The following HSPA12B variants were observed in gnomAD, a reference collection of about 807,000 sequenced individuals.
The protein encoded by HSPA12B is heat shock protein family A (Hsp70) member 12B.
A neutral mutation model predicts 69.3 loss-of-function variants in HSPA12B; 54 were observed. The ratio of observed to expected loss-of-function variants is 0.78; its 90% CI spans 0.63 to 0.98. The LOEUF is 0.98. Ranked by LOEUF, HSPA12B falls within the 50% of genes least tolerant of loss-of-function variation. The pLI is 0.00. For synonymous variants in HSPA12B, 441 were observed against 436.5 expected, an observed-to-expected ratio of 1.01 and a Z score of -0.13; for missense variants, 929 against 999.8, an observed-to-expected ratio of 0.93 and a Z score of 0.96.
rs1276849701 is a variant in HSPA12B at position 3,745,319 on chromosome 20, G to A, written c.454-174G>A. Among the ~76,000 whole-genome samples, 12 of 151,918 alleles carry A rather than the reference G, an allele frequency of 7.9e-5. No individual in the cohort carries two copies. On this transcript the variant is annotated intron_variant, in intron 5 of 12. Coordinates refer to ENST00000254963, the MANE Select transcript of HSPA12B (RefSeq NM_052970.5). The surrounding 1 kb of genome is among the most constrained non-coding windows in gnomAD (Gnocchi z 5.6). ...TAATAGTGAAGCTGGGGTTGCAGGA[G>A]GGGTGGGGCTAAGGAGAGGGGTCGG...
Position 3,745,521 on chromosome 20 carries a change from C to T in HSPA12B, c.482C>T (p.Ala161Val). 1 of 1,614,142 alleles carries T rather than the reference C, an allele frequency of 6.2e-7. No homozygotes were observed. The highest frequency in any genetic ancestry group is 1.1e-5 in the South Asian group (1 of 91,076). The change falls in exon 6 of 13, where the codon GCA becomes GTA. Residue 161 changes from alanine to valine, a missense_variant. Transcript: ENST00000254963. The surrounding 1 kb of genome is among the most constrained non-coding windows in gnomAD (Gnocchi z 5.6). ...TDLTLKTQLE[A>V]VNGKTMPALE... The stretch of plus-strand genomic sequence containing the variant: ...CTCACCTTGAAGACCCAGCTAGAGG[C>T]AGTAAATGGAAAGACGATGCCCGCC...
In HSPA12B at chr20:3,750,189, G is replaced by A. The variant is rs2088388930; in HGVS notation, c.1263G>A (p.Gln421=). ...PFSFIDFYRK[Q]RGHNVETALR... is the part of the protein sequence containing the mutation. ...CCTTCATTGACTTCTACCGCAAGCA[G>A]CGGGGCCACAACGTGGAGACCGCTC... is the stretch of plus-strand genomic sequence containing the variant. Residue 421 remains glutamine (Q), a synonymous_variant, in exon 11 of 13, where the codon CAG becomes CAA. Coordinates refer to ENST00000254963, the MANE Select transcript of HSPA12B (RefSeq NM_052970.5). The A allele has an allele frequency of 1.2e-6, 2 of 1,609,120 alleles. No homozygotes were observed. Among genetic ancestry groups the A allele is most frequent in the Non-Finnish European group, 1.7e-6 (2 of 1,177,292 alleles).
chr20:3,740,976 CAA>C lies in HSPA12B; in HGVS notation c.141+66_141+67del. 7.2e-7 allele frequency: 1 copy of C among 1,384,676 alleles called. No homozygotes were observed. Among genetic ancestry groups the C allele is most frequent in the Middle Eastern group, 1.8e-4 (1 of 5,472 alleles). 85.8% of individuals were successfully genotyped at this position (1,384,676 alleles called of 1,614,324 possible). On this transcript the variant is annotated intron_variant, in intron 3 of 12. Transcript: ENST00000254963. The surrounding 1 kb of genome is among the most constrained non-coding windows in gnomAD (Gnocchi z 4.9). Reference sequence around the variant, plus strand: ...CTGGTGTGGACAGGGTCGTGCGTGGCAAAGTCATGACAGGGCCTCAGCTAGGA... The same window carrying C: ...CTGGTGTGGACAGGGTCGTGCGTGGCAGTCATGACAGGGCCTCAGCTAGGA...
Position 3,748,408 on chromosome 20 carries a change from G to T in HSPA12B, c.850+17G>T. 1 of 1,565,436 alleles carries T rather than the reference G, an allele frequency of 6.4e-7. No individual in the cohort carries two copies. The highest frequency in any genetic ancestry group is 8.6e-7 in the Non-Finnish European group (1 of 1,158,332). ...TCCGTCAGGGTGAGCTGCCCCCGGG[G>T]ACACCACCCACCCCTGGAGGGTCAG... On this transcript the variant is annotated intron_variant, in intron 8 of 12. Coordinates refer to ENST00000254963, the MANE Select transcript of HSPA12B (RefSeq NM_052970.5).
At chr20:3,743,834 T>C (rs1421251741) in intron 4 of HSPA12B, among the ~76,000 whole-genome samples, 2 of 152,044 alleles carry the variant, frequency 1.3e-5, no homozygotes, top group African/African-American at 4.8e-5. Flanking sequence ...AGGTGATTCC[T>C]AGGTCCAACA....
In HSPA12B at chr20:3,753,011, TA is replaced by T. The variant is rs2088455770; in HGVS notation, c.*848del. 6.5e-6 allele frequency: 1 copy of T among 153,326 alleles called. No individual in the cohort carries two copies. The highest frequency in any genetic ancestry group is 1.5e-5 in the Non-Finnish European group (1 of 68,044). 9.5% of individuals were successfully genotyped at this position (153,326 alleles called of 1,614,324 possible). ...TTACCGCTCATGGGCCTCAGTTTCC[TA>T]AAGTGTGAAATGTCAGGCACTTCCC... On this transcript the variant is annotated 3_prime_UTR_variant, in exon 13 of 13. Coordinates refer to ENST00000254963, the MANE Select transcript of HSPA12B (RefSeq NM_052970.5).
chr20:3,748,470 A>G (rs1344751270), intron 8 of HSPA12B, 79 bp downstream of exon 8: 2 of 1,310,898 alleles, frequency 1.5e-6, no homozygotes, highest in Admixed American at 3.2e-5. Context: ...CATGTCTAGT[A>G]TGAAGGGGAG....
Position 3,748,337 on chromosome 20 carries a change from C to T in HSPA12B, c.796C>T (p.Pro266Ser), listed in dbSNP as rs765950925. The change falls in exon 8 of 13, where the codon CCA (proline) becomes TCA (serine). Residue 266 changes from proline (P) to serine (S), a missense_variant. Transcript: ENST00000254963. Reference sequence around the variant, plus strand: ...GCTCCTGGACCTGAGTGGCCGGGCCCCAGGTGGTGGGCGCCTGGGTGAGCG... The same window carrying T: ...GCTCCTGGACCTGAGTGGCCGGGCCTCAGGTGGTGGGCGCCTGGGTGAGCG... ...HQLLDLSGRAPGGGRLGERRS... is the reference protein window; with the variant it reads ...HQLLDLSGRASGGGRLGERRS... The T allele has an allele frequency of 3.1e-6, 5 of 1,610,458 alleles. No homozygotes were observed. The highest frequency in any genetic ancestry group is 4.2e-6 in the Non-Finnish European group (5 of 1,178,472).
intron 3 of HSPA12B, 125 bp downstream of exon 3, chr20:3,741,037 T>C: frequency 1.4e-6 from 1 of 712,024 alleles, no homozygotes; most frequent in Non-Finnish European, 2.3e-6. Flanking sequence ...CCATGCCTCT[T>C]GTCCCCGTAC....
At chr20:3,738,099 T>C (rs1353923940) in intron 1 of HSPA12B, among the ~76,000 whole-genome samples, 1 of 152,174 alleles carries the variant, frequency 6.6e-6, no homozygotes, top group Non-Finnish European at 1.5e-5. Flanking sequence ...AAATCAAATC[T>C]GAAATAGGGT....
Position 3,749,773 on chromosome 20 carries a change from T to A in HSPA12B, c.961T>A (p.Cys321Ser). 6.2e-7 allele frequency: 1 copy of A among 1,603,104 alleles called. No individual in the cohort carries two copies. The highest frequency in any genetic ancestry group is 8.5e-7 in the Non-Finnish European group (1 of 1,177,154). ...QAGDRYVVAD[C>S]GGGTVDLTVH... ...AGGAGACCGCTACGTGGTGGCCGAC[T>A]GCGGCGGAGGCACCGTGGACCTGAC... Residue 321 changes from cysteine to serine, a missense_variant, in exon 10 of 13, where the codon TGC becomes AGC. Physicochemically the swap from Cys to Ser is moderately radical, Grantham distance 112. Transcript: ENST00000254963. The surrounding 1 kb of genome is among the most constrained non-coding windows in gnomAD (Gnocchi z 5.5).
chr20:3,751,731 C>G lies in HSPA12B; in HGVS notation c.1626C>G (p.Thr542=). 6.6e-7 allele frequency: 1 copy of G among 1,515,584 alleles called. No individual in the cohort carries two copies. Among genetic ancestry groups the G allele is most frequent in the Non-Finnish European group, 8.8e-7 (1 of 1,137,116 alleles). The allele number at this position is 1,515,584 out of a possible 1,614,324, so 93.9% of individuals were successfully genotyped here. A position where few individuals can be genotyped will look rare whatever the true frequency, so the allele number is the denominator to read the frequency against. The change falls in exon 13 of 13, where the codon ACC becomes ACG. Residue 542 remains threonine (T), a synonymous_variant. Coordinates refer to ENST00000254963, the MANE Select transcript of HSPA12B (RefSeq NM_052970.5). The part of the protein sequence containing the change: ...GVVRVRRSPL[T]YGVGVLNRFV... Reference sequence around the variant, plus strand: ...TGCGGGTCCGCCGCTCGCCGCTCACCTATGGCGTGGGCGTGCTCAACCGCT... The same window carrying G: ...TGCGGGTCCGCCGCTCGCCGCTCACGTATGGCGTGGGCGTGCTCAACCGCT...
In HSPA12B at chr20:3,749,566, A is replaced by T. The variant is rs1431561969; in HGVS notation, c.938-184A>T. ...GAGCCTCTGGAACCATTTCTGCCCC[A>T]CACCCTGCGCCCATATGTGGTGGTC... On this transcript the variant is annotated intron_variant, in intron 9 of 12. Coordinates refer to ENST00000254963, the MANE Select transcript of HSPA12B (RefSeq NM_052970.5). This position sits in a 1 kb window ranked among gnomAD's most constrained non-coding sequence, Gnocchi z 5.5. Among the ~76,000 whole-genome samples the T allele has an allele frequency of 6.6e-6, 1 of 151,950 alleles. No individual in the cohort carries two copies. Among genetic ancestry groups the T allele is most frequent in the Non-Finnish European group, 1.5e-5 (1 of 67,976 alleles).
At chr20:3,750,292 G>C in intron 11 of HSPA12B, 65 bp downstream of exon 11, 1 of 1,461,642 alleles carries the variant, frequency 6.8e-7, no homozygotes, top group Non-Finnish European at 9.1e-7. Context: ...GCACTGGAGG[G>C]TCCCGGGCCC....
rs998274241 is a variant in HSPA12B at position 3,752,242 on chromosome 20, G to C, written c.*76G>C. 35 of 1,333,192 alleles carry C rather than the reference G, an allele frequency of 2.6e-5. No individual in the cohort carries two copies. The African/African-American group carries it at 4.5e-4, about 17-fold the overall frequency. The allele number at this position is 1,333,192 out of a possible 1,614,324, so 82.6% of individuals were successfully genotyped here. The stretch of plus-strand genomic sequence containing the variant: ...GGTTCAGGGGCCTGCGGAGCGGGTT[G>C]GGGCGGGGGAAACGATAGTTCTGCA... On this transcript the variant is annotated 3_prime_UTR_variant, in exon 13 of 13. Coordinates refer to ENST00000254963, the MANE Select transcript of HSPA12B (RefSeq NM_052970.5).
In HSPA12B at chr20:3,740,656, G is replaced by A. The variant is rs1419505400; in HGVS notation, c.44-159G>A. 6.6e-6 allele frequency among the ~76,000 whole-genome samples: 1 copy of A among 152,190 alleles called. No homozygotes were observed. The highest frequency in any genetic ancestry group is 1.9e-4 in the East Asian group (1 of 5,198). ...CCCTCAGCTCCTGCCCCTGCGTCAT[G>A]TGTGTCTTTCCTACACCCCGCAGTC... On this transcript the variant is annotated intron_variant, in intron 2 of 12. Coordinates refer to ENST00000254963, the MANE Select transcript of HSPA12B (RefSeq NM_052970.5). This position sits in a 1 kb window ranked among gnomAD's most constrained non-coding sequence, Gnocchi z 4.9.
rs1382970430 is a variant in HSPA12B at position 3,748,206 on chromosome 20, C to G, written c.676-11C>G. ...CAGTGCTGCCTGACCCTGCCCACCA[C>G]CCATCCCCAGGCTGGACTAGTGTCC... On this transcript the variant is annotated splice_polypyrimidine_tract_variant and intron_variant, in intron 7 of 12. Coordinates refer to ENST00000254963, the MANE Select transcript of HSPA12B (RefSeq NM_052970.5). 1 of 1,538,872 alleles carries G rather than the reference C, an allele frequency of 6.5e-7. No homozygotes were observed. The highest frequency in any genetic ancestry group is 8.8e-7 in the Non-Finnish European group (1 of 1,136,202).
In HSPA12B at chr20:3,745,025, C is replaced by T; in HGVS notation, c.390C>T (p.Asp130=). 1 of 1,614,054 alleles carries T rather than the reference C, an allele frequency of 6.2e-7. No individual in the cohort carries two copies. Among genetic ancestry groups the T allele is most frequent in the Non-Finnish European group, 8.5e-7 (1 of 1,180,034 alleles). Reference sequence around the variant, plus strand: ...CCCGCGATTACTACCATGACCTGGACCCCGAAGAGGCGCGGGACTGGCTCT... The same window carrying T: ...CCCGCGATTACTACCATGACCTGGATCCCGAAGAGGCGCGGGACTGGCTCT... ...YTARDYYHDL[D]PEEARDWLYF... is the part of the protein sequence containing the mutation. Residue 130 remains aspartate, a synonymous_variant, in exon 5 of 13, where the codon GAC becomes GAT. Transcript: ENST00000254963. The surrounding 1 kb of genome is among the most constrained non-coding windows in gnomAD (Gnocchi z 5.6).
intron 1 of HSPA12B, among the ~76,000 whole-genome samples, chr20:3,735,247 A>AT (rs1354222336): frequency 1.3e-5 from 2 of 152,174 alleles, no homozygotes; most frequent in African/African-American, 4.8e-5. Flanking sequence ...TGTGTCACCC[A>AT]TTCTACAGGA....
Sources: allele counts gnomAD v4.1 joint callset (sites outside exome capture counted in the v4.1 genomes callset), GRCh38; gene constraint gnomAD v4.1.1; non-coding constraint Gnocchi (gnomAD v3.1); transcripts MANE v1.5; gene names NCBI Gene and HGNC (gene_info 2026-07-23, HGNC 2026-07-21).